KPNA6: variants seen among roughly 807,000 people sequenced by gnomAD.
KPNA6 encodes the protein karyopherin subunit alpha 6.
KPNA6 carries 9 observed loss-of-function variants against 72.0 expected under a neutral mutation model. That is an observed-to-expected ratio of 0.13 (90% CI 0.08 to 0.22). KPNA6 has a LOEUF of 0.22. Among genes scored for constraint, KPNA6 ranks in the 10% least tolerant of loss-of-function variants. The pLI is 1.00. For synonymous variants in KPNA6, 219 were observed against 242.1 expected (o/e 0.90, Z 0.89); for missense variants, 374 against 655.7 (o/e 0.57, Z 4.69).
chr1:32,119,441 C>G (rs139719141), intron 1 of KPNA6, among the ~76,000 whole-genome samples: 1 of 152,132 alleles, frequency 6.6e-6, no homozygotes, highest in Non-Finnish European at 1.5e-5. Context: ...ACCAGGCAGA[C>G]AGCAGTTAAT....
At chr1:32,117,497 A>C (rs1312553849) in intron 1 of KPNA6, among the ~76,000 whole-genome samples, 1 of 151,796 alleles carries the variant, frequency 6.6e-6, no homozygotes, top group Admixed American at 6.6e-5. Context: ...TTTTTAAAAA[A>C]AACACACATT....
chr1:32,130,875 T>C (rs1286455506), intron 1 of KPNA6, among the ~76,000 whole-genome samples: 2 of 152,170 alleles, frequency 1.3e-5, no homozygotes, highest in Non-Finnish European at 2.9e-5. Flanking sequence ...ATATAATGCC[T>C]AAAAAGAATA....
intron 10 of KPNA6, among the ~76,000 whole-genome samples, chr1:32,164,029 T>C (rs1043389489): frequency 1.3e-5 from 2 of 152,220 alleles, no homozygotes; most frequent in African/African-American, 4.8e-5. Context: ...CATCTCAAAC[T>C]GAAACCGTAC....
At chr1:32,161,760 G>C (rs1373656580) in intron 7 of KPNA6, among the ~76,000 whole-genome samples, 187 bp from the exon 8 acceptor site, 1 of 152,190 alleles carries the variant, frequency 6.6e-6, no homozygotes, top group East Asian at 1.9e-4. Context: ...AGCTGGTCCT[G>C]AAATGAATAC....
At chr1:32,125,992 A>AAC (rs1553126724) in intron 1 of KPNA6, among the ~76,000 whole-genome samples, 8 of 151,486 alleles carry the variant, frequency 5.3e-5, no homozygotes, top group African/African-American at 1.9e-4. Context: ...AAAAAAAAAA[A>AAC]AAAAAAAAAC....
intron 1 of KPNA6, among the ~76,000 whole-genome samples, chr1:32,114,269 G>A (rs1641290149): frequency 6.6e-6 from 1 of 151,826 alleles, no homozygotes; most frequent in South Asian, 2.1e-4. Context: ...GTGAAACCTT[G>A]TCTCTACTAG....
intron 1 of KPNA6, among the ~76,000 whole-genome samples, chr1:32,127,830 G>C (rs1257004120): frequency 6.6e-6 from 1 of 152,146 alleles, no homozygotes; most frequent in Non-Finnish European, 1.5e-5. Context: ...CTCACTCTCT[G>C]AACTCATTGT....
rs115952686 is a variant in KPNA6 at position 32,112,918 on chromosome 1, A to G, written c.4+4784A>G. On this transcript the variant is annotated intron_variant, in intron 1 of 13. Coordinates refer to ENST00000373625, the MANE Select transcript of KPNA6 (RefSeq NM_012316.5). ...GCTGCTGAGACTGATCAGGGTGGTG[A>G]TTGTCTGGGGTGGCAGTAACAACCT... Among the ~76,000 whole-genome samples, 224 of 152,210 alleles carry G rather than the reference A, an allele frequency of 1.5e-3. 2 individuals carry two copies. The highest frequency in any genetic ancestry group is 5.3e-3 in the African/African-American group (221 of 41,526).
chr1:32,145,595 G>T (rs1641916721), intron 1 of KPNA6, among the ~76,000 whole-genome samples: 1 of 152,094 alleles, frequency 6.6e-6, no homozygotes, highest in Non-Finnish European at 1.5e-5. Flanking sequence ...AAAGTGTTGA[G>T]ATTACAGATG....
chr1:32,148,399 A>G (rs1641969071), intron 1 of KPNA6, among the ~76,000 whole-genome samples: 1 of 151,322 alleles, frequency 6.6e-6, no homozygotes, highest in African/African-American at 2.4e-5. Flanking sequence ...CTGCCTCAGT[A>G]TCCCAAATGT....
At chr1:32,161,188 G>T (rs138408713) in intron 7 of KPNA6, among the ~76,000 whole-genome samples, 156 of 152,128 alleles carry the variant, frequency 1.0e-3, no homozygotes, top group African/African-American at 3.7e-3. Flanking sequence ...TGCCAAAAAG[G>T]ATCTTGTTCC....
intron 1 of KPNA6, among the ~76,000 whole-genome samples, chr1:32,149,029 G>A (rs773691593): frequency 1.3e-5 from 2 of 151,970 alleles, no homozygotes; most frequent in East Asian, 1.9e-4. Flanking sequence ...GGGTCCACTC[G>A]ATTCTGTTCA....
chr1:32,108,211 C>T, intron 1 of KPNA6, 77 bp downstream of exon 1: 3 of 1,596,360 alleles, frequency 1.9e-6, no homozygotes, highest in Non-Finnish European at 2.6e-6. Flanking sequence ...GAGCCTGTCT[C>T]CGGTCTGCGG....
chr1:32,164,856 A>G (rs943785614), intron 10 of KPNA6, among the ~76,000 whole-genome samples: 4 of 151,500 alleles, frequency 2.6e-5, no homozygotes, highest in East Asian at 1.9e-4. Flanking sequence ...CTGTGGTTTT[A>G]TCTTTTAACT....
rs146558122 is a variant in KPNA6, at chr1:32,134,942, A to G, written c.5-19646A>G. Among the ~76,000 whole-genome samples, 1,195 of 135,204 alleles carry G rather than the reference A, an allele frequency of 8.8e-3. 9 individuals carry two copies. Among genetic ancestry groups the G allele is most frequent in the East Asian group, 0.038 (175 of 4,638 alleles). 88.7% of individuals were successfully genotyped at this position (135,204 alleles called of 152,430 possible). On this transcript the variant is annotated intron_variant, in intron 1 of 13. Coordinates refer to ENST00000373625, the MANE Select transcript of KPNA6 (RefSeq NM_012316.5). Reference sequence around the variant, plus strand: ...TTCCTTCGAGATGGAGTCTTGCTCTATTGCCCAGGCTGGAGTGCAGTGGCA... The same window carrying G: ...TTCCTTCGAGATGGAGTCTTGCTCTGTTGCCCAGGCTGGAGTGCAGTGGCA...
chr1:32,151,291 G>A (rs1642028215), intron 1 of KPNA6, among the ~76,000 whole-genome samples: 1 of 152,182 alleles, frequency 6.6e-6, no homozygotes, highest in African/African-American at 2.4e-5. Context: ...GCCCTTCTTA[G>A]GGTCTCTACT....
chr1:32,153,016 CAAAAAA>C (rs766574019), intron 1 of KPNA6, among the ~76,000 whole-genome samples: 4 of 34,950 alleles, frequency 1.1e-4, no homozygotes, highest in African/African-American at 4.7e-4. Flanking sequence ...GACTCCATCT[CAAAAAA>C]AAAAAAAAAA....
chr1:32,157,866 TTAA>T (rs1187830665), intron 4 of KPNA6, among the ~76,000 whole-genome samples: 1 of 152,220 alleles, frequency 6.6e-6, no homozygotes, highest in Non-Finnish European at 1.5e-5. Flanking sequence ...CCATAGGTAC[TTAA>T]TAAAAAAATT....
chr1:32,172,727 G>T lies in KPNA6; in HGVS notation c.*1833G>T. The T allele has an allele frequency of 5.1e-6, 1 of 194,994 alleles. No homozygotes were observed. Among genetic ancestry groups the T allele is most frequent in the Non-Finnish European group, 1.0e-5 (1 of 96,490 alleles). The allele number at this position is 194,994 out of a possible 1,614,324, so 12.1% of individuals were successfully genotyped here. A position where few individuals can be genotyped will look rare whatever the true frequency, so the allele number is the denominator to read the frequency against. On this transcript the variant is annotated 3_prime_UTR_variant, in exon 14 of 14. Transcript: ENST00000373625. The stretch of plus-strand genomic sequence containing the variant: ...TAGAGGAAGTTGGTGTAGACCAGCT[G>T]TGGAGCTGAAGGCACAGTCTGCCCC...
Sources: allele counts gnomAD v4.1 joint callset (sites outside exome capture counted in the v4.1 genomes callset), GRCh38; gene constraint gnomAD v4.1.1; transcripts MANE v1.5; gene names NCBI Gene and HGNC (gene_info 2026-07-23, HGNC 2026-07-21).